CHKA: variants seen among roughly 807,000 people sequenced by gnomAD.
CHKA encodes choline kinase alpha, also known as CHETK-alpha.
CHKA carries 34 observed loss-of-function variants against 60.1 expected under a neutral mutation model. The ratio of observed to expected loss-of-function variants is 0.57; its 90% CI spans 0.43 to 0.75. The LOEUF (loss-of-function observed/expected upper bound fraction) is 0.75, where lower values mean the gene tolerates loss of function less well. Ranked by LOEUF, CHKA falls within the 30% of genes least tolerant of loss-of-function variation. CHKA has a pLI of 0.00. For missense variants in CHKA, 563 were observed against 561.3 expected, an observed-to-expected ratio of 1.00 and a Z score of -0.03; for synonymous variants, 217 against 223.1, an observed-to-expected ratio of 0.97 and a Z score of 0.24.
At chr11:68,073,741 C>A (rs1351550329) in intron 4 of CHKA, among the ~76,000 whole-genome samples, 1 of 152,204 alleles carries the variant, frequency 6.6e-6, no homozygotes, top group East Asian at 1.9e-4. Context: ...CGCAGCAGAG[C>A]ACCCCTCTGC....
chr11:68,055,553 T>C lies in CHKA; in HGVS notation c.1315-1506A>G, dbSNP rs550000316. On this transcript the variant is annotated intron_variant, in intron 11 of 11. Transcript: ENST00000265689. ...CGACTGCATTCCCAGCAGCAGCGCA[T>C]GCGCATTCCCATTGCTCCATGTGCT... Among the ~76,000 whole-genome samples the C allele has an allele frequency of 3.8e-4, 58 of 152,374 alleles. 1 individual carries two copies. The South Asian group carries it at 7.9e-3, about 21-fold the overall frequency.
chr11:68,074,282 G>C (rs1856714157), intron 4 of CHKA, among the ~76,000 whole-genome samples: 1 of 152,156 alleles, frequency 6.6e-6, no homozygotes, highest in Non-Finnish European at 1.5e-5. Context: ...GGGAGGTAGG[G>C]AGACTCAGTA....
chr11:68,060,222 C>T (rs1023677478), intron 11 of CHKA, among the ~76,000 whole-genome samples: 47 of 150,804 alleles, frequency 3.1e-4, no homozygotes, highest in African/African-American at 9.7e-4. Context: ...TTAGTAGAGA[C>T]GGGGTTTCAC....
At position 68,066,500 on chromosome 11, in the gene CHKA, C is replaced by T. The variant is rs1318429849; in HGVS notation, c.945G>A (p.Leu315=). The change falls in exon 8 of 12, where the codon CTG becomes CTA. Residue 315 remains leucine, a synonymous_variant. Transcript: ENST00000265689. ...GTTTTTCAGAATTCTCTCGGCCTTC[C>T]AGCAACAAGATATTACCTGCAAAAG... is the stretch of plus-strand genomic sequence containing the variant. ...NDCQEGNILL[L]EGRENSEKQK... 3 of 1,614,036 alleles carry T rather than the reference C, an allele frequency of 1.9e-6. No homozygotes were observed. Among genetic ancestry groups the T allele is most frequent in the Non-Finnish European group, 2.5e-6 (3 of 1,179,914 alleles).
At chr11:68,092,649 G>GT (rs1402354991) in intron 2 of CHKA, among the ~76,000 whole-genome samples, 2 of 152,044 alleles carry the variant, frequency 1.3e-5, no homozygotes, top group Non-Finnish European at 2.9e-5. Context: ...CCCTCCTCAT[G>GT]TTGTCACAGT....
rs1256676675 is a variant in CHKA, at chr11:68,060,753, TTATCTC to T, written c.1314+1194_1314+1199del. 2.6e-5 allele frequency among the ~76,000 whole-genome samples: 4 copies of T among 152,248 alleles called. 1 individual carries two copies. The highest frequency in any genetic ancestry group is 2.0e-4 in the Admixed American group (3 of 15,280). On this transcript the variant is annotated intron_variant, in intron 11 of 11. Transcript: ENST00000265689. The stretch of plus-strand genomic sequence containing the variant: ...CTTTATTATCACAAAATGCCCTTCT[TTATCTC>T]TAGTAATATTCCTTGTTACGAAGTG...
At chr11:68,105,541 GA>G (rs1368124110) in intron 1 of CHKA, among the ~76,000 whole-genome samples, 10 of 96,986 alleles carry the variant, frequency 1.0e-4, no homozygotes, top group Non-Finnish European at 2.2e-4. Context: ...AAAAAAAAAA[GA>G]AAAGAAAAAG....
Position 68,074,718 on chromosome 11 carries a change from G to T in CHKA, c.629C>A (p.Pro210Gln), listed in dbSNP as rs201271073. 1 of 1,614,012 alleles carries T rather than the reference G, an allele frequency of 6.2e-7. No homozygotes were observed. Among genetic ancestry groups the T allele is most frequent in the Non-Finnish European group, 8.5e-7 (1 of 1,179,852 alleles). ...TAAGCGTTTATGAACAAATCTTACCGGGATGAACTGCTCCAGTCGGCCTTG... is the reference window on the plus strand; with the variant it reads ...TAAGCGTTTATGAACAAATCTTACCTGGATGAACTGCTCCAGTCGGCCTTG... ...FPQGRLEQFI[P>Q]SRRLDTEELS... The change falls in exon 4 of 12, where the codon CCG becomes CAG. Residue 210 changes from proline (P) to glutamine (Q), a missense_variant and splice_region_variant. Pro to Gln is a moderately conservative substitution (Grantham distance 76, BLOSUM62 -1). Transcript: ENST00000265689.
chr11:68,061,513 G>A (rs1373695155), intron 11 of CHKA: 1 of 253,882 alleles, frequency 3.9e-6, no homozygotes, highest in Non-Finnish European at 8.2e-6. Flanking sequence ...CCCAAAGTCG[G>A]GCACTACAGG....
chr11:68,062,558 G>A (rs766944022), intron 10 of CHKA, among the ~76,000 whole-genome samples: 23 of 152,118 alleles, frequency 1.5e-4, no homozygotes, highest in Non-Finnish European at 3.1e-4. Context: ...CGTGAGCCAC[G>A]TCACCATCTC....
rs764853533 is a variant in CHKA at position 68,070,293 on chromosome 11, C to T, written c.765G>A (p.Lys255=). ...TAATTCTCAGCACTTCCTTTAGATACCTATTAAAAAATTTTCAAAAAAGAA... is the reference window on the plus strand; with the variant it reads ...TAATTCTCAGCACTTCCTTTAGATATCTATTAAAAAATTTTCAAAAAAGAA... The part of the protein sequence containing the change: ...EPKWLFGTME[K]YLKEVLRIKF... The change falls in exon 6 of 12, where the codon AAG becomes AAA. Residue 255 remains lysine, a splice_region_variant and synonymous_variant. Transcript: ENST00000265689. 1 of 1,600,150 alleles carries T rather than the reference C, an allele frequency of 6.2e-7. No homozygotes were observed.
intron 11 of CHKA, among the ~76,000 whole-genome samples, chr11:68,055,770 C>T (rs539867425): frequency 2.6e-5 from 4 of 152,042 alleles, no homozygotes; most frequent in Admixed American, 6.5e-5. Context: ...TGAGGCCGGG[C>T]GCGGTGGCTC....
In CHKA at chr11:68,121,342, C is replaced by CGACTGCGGCGACTGTGGA. The variant is rs1555016714; in HGVS notation, c.-166_-165insTCCACAGTCGCCGCAGTC. The CGACTGCGGCGACTGTGGA allele has an allele frequency of 3.1e-6, 1 of 322,298 alleles. No homozygotes were observed. Among genetic ancestry groups the CGACTGCGGCGACTGTGGA allele is most frequent in the Non-Finnish European group, 4.6e-6 (1 of 218,420 alleles). 20.0% of individuals were successfully genotyped at this position (322,298 alleles called of 1,614,324 possible). On this transcript the variant is annotated 5_prime_UTR_variant, in exon 1 of 12. Coordinates refer to ENST00000265689, the MANE Select transcript of CHKA (RefSeq NM_001277.3). The stretch of plus-strand genomic sequence containing the variant: ...GCGGCGGCGGCTGCGGCGACTGCGG[C>CGACTGCGGCGACTGTGGA]GACTGTGGAGCGGGGATGTGCTGCT...
chr11:68,091,441 T>C (rs1471995423), intron 2 of CHKA, among the ~76,000 whole-genome samples: 2 of 152,258 alleles, frequency 1.3e-5, no homozygotes, highest in East Asian at 3.8e-4. Flanking sequence ...ATCTTGTTCA[T>C]ATTTTCAAAA....
At chr11:68,081,486 G>A (rs1856986649) in intron 2 of CHKA, 29 bp from the exon 3 acceptor site, 1 of 1,570,426 alleles carries the variant, frequency 6.4e-7, no homozygotes, top group Non-Finnish European at 8.8e-7. Flanking sequence ...AAACACTTCT[G>A]GTGAGATGGG....
At chr11:68,117,714 C>A (rs143824241) in intron 1 of CHKA, among the ~76,000 whole-genome samples, 2 of 151,974 alleles carry the variant, frequency 1.3e-5, no homozygotes, top group Non-Finnish European at 1.5e-5. Context: ...AAAAGGTAGG[C>A]CAAGGCTCAA....
intron 1 of CHKA, among the ~76,000 whole-genome samples, chr11:68,099,320 T>G (rs1216202599): frequency 6.6e-6 from 1 of 152,236 alleles, no homozygotes; most frequent in Non-Finnish European, 1.5e-5. Context: ...AATTGTATGG[T>G]TTGTGAACTA....
At chr11:68,114,306 G>A (rs866333218) in intron 1 of CHKA, among the ~76,000 whole-genome samples, 11 of 152,190 alleles carry the variant, frequency 7.2e-5, no homozygotes, top group Non-Finnish European at 1.5e-4. Flanking sequence ...AAGTAACCCA[G>A]ATGTCCTTCA....
rs1266742174 is a variant in CHKA at position 68,112,360 on chromosome 11, G to A, written c.350+8468C>T. Among the ~76,000 whole-genome samples the A allele has an allele frequency of 6.6e-5, 10 of 152,166 alleles. No individual in the cohort carries two copies. In the South Asian group the frequency reaches 1.7e-3, roughly 25 times the overall value. On this transcript the variant is annotated intron_variant, in intron 1 of 11. Coordinates refer to ENST00000265689, the MANE Select transcript of CHKA (RefSeq NM_001277.3). ...CAACCTCCGCCTCCCGGGTTCAAGC[G>A]ATTCTTCCTGCCTTAGCCTCCTGAG...
Sources: allele counts gnomAD v4.1 joint callset (sites outside exome capture counted in the v4.1 genomes callset), GRCh38; gene constraint gnomAD v4.1.1; transcripts MANE v1.5; gene names NCBI Gene and HGNC (gene_info 2026-07-23, HGNC 2026-07-21).